NPFFR2: variants seen among roughly 807,000 people sequenced by gnomAD.
NPFFR2 encodes G-protein coupled receptor 74.
NPFFR2 carries 15 observed loss-of-function variants against 13.1 expected under a neutral mutation model. That is an observed-to-expected ratio of 1.15 (90% CI 0.77 to 1.76). The LOEUF is 1.76. NPFFR2 is among the 40% of genes most tolerant of loss of function. The pLI is 0.00. For synonymous variants in NPFFR2, 190 were observed against 175.7 expected (o/e 1.08, Z -0.65); for missense variants, 572 against 503.5 (o/e 1.14, Z -1.30).
intron 1 of NPFFR2, among the ~76,000 whole-genome samples, chr4:72,074,699 T>G (rs925366307): frequency 2.6e-5 from 4 of 152,066 alleles, no homozygotes; most frequent in African/African-American, 9.7e-5. Context: ...TTAATGTAAA[T>G]GAATTAAACC....
intron 1 of NPFFR2, among the ~76,000 whole-genome samples, chr4:72,092,735 T>C (rs2109803176): frequency 6.6e-6 from 1 of 152,290 alleles, no homozygotes; most frequent in East Asian, 1.9e-4. Context: ...GGTCCTTATG[T>C]GCCAGGTGAG....
intron 1 of NPFFR2, among the ~76,000 whole-genome samples, chr4:72,077,504 C>CA (rs1223635624): frequency 6.6e-6 from 1 of 152,064 alleles, no homozygotes; most frequent in Non-Finnish European, 1.5e-5. Flanking sequence ...GAGGGGAAGA[C>CA]AAAATTAATA....
chr4:72,113,465 C>A (rs1468719267), intron 1 of NPFFR2, among the ~76,000 whole-genome samples: 1 of 152,070 alleles, frequency 6.6e-6, no homozygotes, highest in African/African-American at 2.4e-5. Context: ...CATTCCATTG[C>A]ATCAAAGATT....
intron 1 of NPFFR2, among the ~76,000 whole-genome samples, chr4:72,043,336 G>T (rs1719283800): frequency 6.6e-6 from 1 of 152,190 alleles, no homozygotes; most frequent in Non-Finnish European, 1.5e-5. Context: ...CCTCACTGGG[G>T]CACTGCCTAG....
chr4:72,086,603 A>G (rs953244140), intron 1 of NPFFR2, among the ~76,000 whole-genome samples: 3 of 152,122 alleles, frequency 2.0e-5, no homozygotes, highest in African/African-American at 7.2e-5. Context: ...CTATATGTCT[A>G]TTCACTTCAG....
At chr4:72,095,307 T>C (rs1209716981) in intron 1 of NPFFR2, among the ~76,000 whole-genome samples, 1 of 152,142 alleles carries the variant, frequency 6.6e-6, no homozygotes, top group African/African-American at 2.4e-5. Flanking sequence ...CCCAGCTCTG[T>C]ACCCAGGGAC....
chr4:72,080,496 AT>A (rs1416598813), intron 1 of NPFFR2, among the ~76,000 whole-genome samples: 1 of 152,106 alleles, frequency 6.6e-6, no homozygotes, highest in Non-Finnish European at 1.5e-5. Context: ...TGAAACAAAC[AT>A]TATTTATCTT....
chr4:72,112,568 G>A (rs151262720), intron 1 of NPFFR2, among the ~76,000 whole-genome samples: 2,018 of 152,094 alleles, frequency 0.013, 55 homozygotes, highest in African/African-American at 0.046. Flanking sequence ...AGTAGCACGT[G>A]TTTCATTATC....
At chr4:72,139,102 TG>T (rs1349218107) in intron 3 of NPFFR2, among the ~76,000 whole-genome samples, 1 of 129,860 alleles carries the variant, frequency 7.7e-6, no homozygotes, top group Non-Finnish European at 1.5e-5. Flanking sequence ...CACTTTTTGA[TG>T]GGGTTGTTTT....
At chr4:72,094,901 C>G (rs1721018254) in intron 1 of NPFFR2, among the ~76,000 whole-genome samples, 1 of 152,230 alleles carries the variant, frequency 6.6e-6, no homozygotes, top group South Asian at 2.1e-4. Flanking sequence ...TCTCCACACA[C>G]TGTCCTGCCC....
chr4:72,056,389 T>C (rs1719745304), intron 1 of NPFFR2, among the ~76,000 whole-genome samples: 1 of 152,032 alleles, frequency 6.6e-6, no homozygotes. Flanking sequence ...TATGGAGACC[T>C]ACTGCTCAGC....
At chr4:72,068,680 A>G (rs570403000) in intron 1 of NPFFR2, among the ~76,000 whole-genome samples, 66 of 152,326 alleles carry the variant, frequency 4.3e-4, no homozygotes, top group Non-Finnish European at 8.2e-4. Context: ...GAATAAATGA[A>G]CAAAGCAGAA....
intron 3 of NPFFR2, among the ~76,000 whole-genome samples, chr4:72,140,058 T>C (rs1453118927): frequency 6.6e-6 from 1 of 152,162 alleles, no homozygotes; most frequent in African/African-American, 2.4e-5. Context: ...GCTCTCTGTT[T>C]GTCTGTTATT....
chr4:72,058,948 A>G (rs1719840327), intron 1 of NPFFR2, among the ~76,000 whole-genome samples: 1 of 152,142 alleles, frequency 6.6e-6, no homozygotes, highest in South Asian at 2.1e-4. Flanking sequence ...TATTGTTCAC[A>G]TAAGCCAAAT....
intron 2 of NPFFR2, among the ~76,000 whole-genome samples, chr4:72,132,090 G>GA (rs1193979533): frequency 6.6e-6 from 1 of 151,120 alleles, no homozygotes; most frequent in East Asian, 1.9e-4. Context: ...TTGTTGTACA[G>GA]ATTATTTTGT....
chr4:72,065,077 A>G (rs763053910), intron 1 of NPFFR2, among the ~76,000 whole-genome samples: 2 of 151,528 alleles, frequency 1.3e-5, no homozygotes, highest in Non-Finnish European at 2.9e-5. Flanking sequence ...AACAACCAGC[A>G]CTGGTTGCTC....
At chr4:72,083,362 G>A (rs1720683994) in intron 1 of NPFFR2, among the ~76,000 whole-genome samples, 1 of 152,074 alleles carries the variant, frequency 6.6e-6, no homozygotes, top group South Asian at 2.1e-4. Context: ...GTTATATTTT[G>A]TCTTTTTGAT....
At chr4:72,051,118 GTA>G (rs1301680510) in intron 1 of NPFFR2, among the ~76,000 whole-genome samples, 26 of 151,966 alleles carry the variant, frequency 1.7e-4, no homozygotes, top group Admixed American at 1.2e-3. Flanking sequence ...AGTCCTCTGG[GTA>G]TATACCCAGT....
rs1264811113 is a variant in NPFFR2 at position 72,147,942 on chromosome 4, CA to C, written c.*137del. ...AACATTTACTGAAAGCCCTCTCTGG[CA>C]AAAAAATTAAAAATAAACAAAAATG... On this transcript the variant is annotated 3_prime_UTR_variant, in exon 4 of 4. Coordinates refer to ENST00000308744, the MANE Select transcript of NPFFR2 (RefSeq NM_004885.3). 8.9e-6 allele frequency: 6 copies of C among 672,320 alleles called. No homozygotes were observed. The highest frequency in any genetic ancestry group is 5.6e-5 in the South Asian group (2 of 35,868). The allele number at this position is 672,320 out of a possible 1,614,324, so 41.6% of individuals were successfully genotyped here. A position where few individuals can be genotyped will look rare whatever the true frequency, so the allele number is the denominator to read the frequency against.
Sources: gnomAD v4.1 joint callset for allele counts (sites outside exome capture counted in the v4.1 genomes callset) on GRCh38, gnomAD v4.1.1 for gene constraint, MANE v1.5 for transcripts, NCBI Gene and HGNC (gene_info 2026-07-23, HGNC 2026-07-21) for gene names.